The following PDE5A variants were observed in gnomAD, a reference collection of about 807,000 sequenced individuals.
The protein encoded by PDE5A is cGMP-specific 3',5'-cyclic phosphodiesterase.
PDE5A carries 67 observed loss-of-function variants against 110.2 expected under a neutral mutation model. The ratio of observed to expected loss-of-function variants is 0.61; its 90% confidence interval spans 0.50 to 0.75. The LOEUF is 0.75. Ranked by LOEUF, PDE5A falls within the 30% of genes least tolerant of loss-of-function variation. The pLI is 0.00. For missense variants in PDE5A, 862 were observed against 1,045.1 expected, an observed-to-expected ratio of 0.82 and a Z score of 2.42; for synonymous variants, 328 against 351.2, an observed-to-expected ratio of 0.93 and a Z score of 0.74.
At chr4:119,578,493 T>C (rs1293937582) in intron 3 of PDE5A, among the ~76,000 whole-genome samples, 2 of 152,152 alleles carry the variant, frequency 1.3e-5, no homozygotes, top group Non-Finnish European at 2.9e-5. Context: ...AATAGAGATA[T>C]AGACCAATGG....
rs1578843664 is a variant in PDE5A, at chr4:119,628,590, C to G, written c.82G>C (p.Asp28His). The G allele has an allele frequency of 6.2e-6, 10 of 1,613,732 alleles. No individual in the cohort carries two copies. In the East Asian group the frequency reaches 2.2e-4, roughly 36 times the overall value. The change falls in exon 1 of 21, where the codon GAC (aspartate) becomes CAC (histidine). Residue 28 changes from aspartate to histidine, a missense_variant. By Grantham distance (81) the Asp-to-His change is moderately conservative. Transcript: ENST00000354960. ...TCGTCCAGCCATGCTTCGACCGAGT[C>G]CTGATCCCTCTGCTGCTGCTTCTGC... is the stretch of plus-strand genomic sequence containing the variant. Reference protein sequence around the residue: ...QQQKQQQRDQDSVEAWLDDHW... With the variant: ...QQQKQQQRDQHSVEAWLDDHW...
rs1333584842 is a variant in PDE5A, at chr4:119,497,219, TC to T, written c.*1381del. The T allele has an allele frequency of 7.9e-5, 12 of 152,146 alleles. No homozygotes were observed. The highest frequency in any genetic ancestry group is 3.4e-3 in the Middle Eastern group (1 of 294). 9.4% of individuals were successfully genotyped at this position (152,146 alleles called of 1,614,324 possible). ...TAGAAGTTAACAAATCAAGCAAATC[TC>T]TCCTTCTACTCTCCCCAAATCCAAA... On this transcript the variant is annotated 3_prime_UTR_variant, in exon 21 of 21. Coordinates refer to ENST00000354960, the MANE Select transcript of PDE5A (RefSeq NM_001083.4).
At position 119,603,685 on chromosome 4, in the gene PDE5A, A is replaced by G. The variant is rs897100176; in HGVS notation, c.741+3024T>C. Reference sequence around the variant, plus strand: ...AAAGTTTTAAAAGTGAACTAAATATAGGTCATTTGTTATAATTAACTTTAT... The same window carrying G: ...AAAGTTTTAAAAGTGAACTAAATATGGGTCATTTGTTATAATTAACTTTAT... On this transcript the variant is annotated intron_variant, in intron 2 of 20. Coordinates refer to ENST00000354960, the MANE Select transcript of PDE5A (RefSeq NM_001083.4). Among the ~76,000 whole-genome samples the G allele has an allele frequency of 2.0e-5, 3 of 152,322 alleles. No homozygotes were observed. In the South Asian group the frequency reaches 6.2e-4, roughly 32 times the overall value.
intron 6 of PDE5A, among the ~76,000 whole-genome samples, chr4:119,560,930 G>A (rs1042347044): frequency 6.6e-6 from 1 of 152,150 alleles, no homozygotes; most frequent in Admixed American, 6.6e-5. Flanking sequence ...GACCAGACTG[G>A]CCAACATGGC....
intron 9 of PDE5A, among the ~76,000 whole-genome samples, chr4:119,544,043 T>C (rs531879438): frequency 2.0e-5 from 3 of 152,338 alleles, no homozygotes; most frequent in African/African-American, 7.2e-5. Flanking sequence ...TGAAAGAATG[T>C]AGAATTGCAG....
chr4:119,502,707 A>G (rs1370646075), intron 18 of PDE5A, 52 bp from the exon 19 acceptor site: 3 of 1,198,442 alleles, frequency 2.5e-6, no homozygotes, highest in Non-Finnish European at 2.5e-6. Flanking sequence ...ATCATTCTTT[A>G]AAACAGAGAC....
At chr4:119,605,736 AT>A (rs1253015731) in intron 2 of PDE5A, among the ~76,000 whole-genome samples, 1 of 370 alleles carries the variant, frequency 2.7e-3, no homozygotes, top group African/African-American at 3.4e-3. Flanking sequence ...GCATCTGTTA[AT>A]GACCTGCTCT....
chr4:119,515,648 T>G (rs1578734603), intron 14 of PDE5A, among the ~76,000 whole-genome samples: 1 of 152,300 alleles, frequency 6.6e-6, no homozygotes, highest in African/African-American at 2.4e-5. Flanking sequence ...GCACCATCAC[T>G]GTTCCAGTTT....
intron 1 of PDE5A, among the ~76,000 whole-genome samples, chr4:119,607,911 C>T (rs188716438): frequency 3.9e-5 from 6 of 152,164 alleles, no homozygotes; most frequent in African/African-American, 1.2e-4. Flanking sequence ...GTAAAAGACA[C>T]TAAATTTGCC....
rs184369786 is a variant in PDE5A, at chr4:119,583,265, C to T, written c.831+13258G>A. Among the ~76,000 whole-genome samples, 9 of 152,298 alleles carry T rather than the reference C, an allele frequency of 5.9e-5. No homozygotes were observed. The East Asian group carries it at 7.7e-4, about 13-fold the overall frequency. On this transcript the variant is annotated intron_variant, in intron 3 of 20. Coordinates refer to ENST00000354960, the MANE Select transcript of PDE5A (RefSeq NM_001083.4). Reference sequence around the variant, plus strand: ...TTGTGTTATGCAGATGGCTTCTTTCCGTAAACCTCACGAGACAACCTCTGC... The same window carrying T: ...TTGTGTTATGCAGATGGCTTCTTTCTGTAAACCTCACGAGACAACCTCTGC...
chr4:119,600,478 T>A (rs1031502538), intron 2 of PDE5A, among the ~76,000 whole-genome samples: 1 of 151,954 alleles, frequency 6.6e-6, no homozygotes, highest in African/African-American at 2.4e-5. Context: ...TTCCCCCCAC[T>A]AAAAGAAACC....
intron 2 of PDE5A, among the ~76,000 whole-genome samples, chr4:119,598,991 T>C (rs549161947): frequency 2.0e-5 from 3 of 152,236 alleles, no homozygotes; most frequent in Admixed American, 6.5e-5. Flanking sequence ...AGTGAAGTGT[T>C]TGGAGACAAT....
intron 17 of PDE5A, among the ~76,000 whole-genome samples, chr4:119,505,464 C>G (rs1725519649): frequency 6.6e-6 from 1 of 151,906 alleles, no homozygotes; most frequent in East Asian, 1.9e-4. Context: ...GACCTCACTG[C>G]TCTACCTTTT....
chr4:119,539,283 CATT>C (rs1370376866), intron 10 of PDE5A, among the ~76,000 whole-genome samples: 2 of 151,756 alleles, frequency 1.3e-5, no homozygotes, highest in Admixed American at 1.3e-4. Flanking sequence ...ATAACAAACA[CATT>C]ATTTATAAGC....
At chr4:119,579,801 T>A (rs573497345) in intron 3 of PDE5A, among the ~76,000 whole-genome samples, 1 of 151,902 alleles carries the variant, frequency 6.6e-6, no homozygotes, top group African/African-American at 2.4e-5. Context: ...GTAACTAACC[T>A]GCATGTTGTG....
intron 14 of PDE5A, among the ~76,000 whole-genome samples, chr4:119,514,343 T>C (rs1725840514): frequency 6.6e-6 from 1 of 152,160 alleles, no homozygotes; most frequent in African/African-American, 2.4e-5. Flanking sequence ...ACAACATCCT[T>C]GGTTCTGCTT....
intron 3 of PDE5A, among the ~76,000 whole-genome samples, chr4:119,571,195 G>A (rs1728130212): frequency 6.6e-6 from 1 of 152,120 alleles, no homozygotes; most frequent in Non-Finnish European, 1.5e-5. Flanking sequence ...GAATCCTAAG[G>A]AATCATCAAG....
intron 3 of PDE5A, among the ~76,000 whole-genome samples, chr4:119,577,841 A>G (rs1362936494): frequency 1.3e-5 from 2 of 152,214 alleles, no homozygotes; most frequent in African/African-American, 2.4e-5. Context: ...GGCCAGGGCA[A>G]TCAGGCAGGA....
Position 119,519,077 on chromosome 4 carries a change from A to G in PDE5A, c.1968T>C (p.Asp656=). 6.2e-7 allele frequency: 1 copy of G among 1,613,730 alleles called. No individual in the cohort carries two copies. Among genetic ancestry groups the G allele is most frequent in the Non-Finnish European group, 8.5e-7 (1 of 1,179,640 alleles). Reference sequence around the variant, plus strand: ...TGTAAGAGTTATTCACACCACGGTGATCCAAATCGTGGCTTAGTGCAGCAA... The same window carrying G: ...TGTAAGAGTTATTCACACCACGGTGGTCCAAATCGTGGCTTAGTGCAGCAA... The part of the protein sequence containing the change: ...LLIAALSHDL[D]HRGVNNSYIQ... Residue 656 remains aspartate, a synonymous_variant, in exon 14 of 21, where the codon GAT becomes GAC. Transcript: ENST00000354960.
Sources: gnomAD v4.1 joint callset for allele counts (sites outside exome capture counted in the v4.1 genomes callset) on GRCh38, gnomAD v4.1.1 for gene constraint, MANE v1.5 for transcripts, NCBI Gene and HGNC (gene_info 2026-07-23, HGNC 2026-07-21) for gene names.